The following GSG1L variants were observed in gnomAD, a reference collection of about 807,000 sequenced individuals.
The protein encoded by GSG1L is GSG1 like.
Under a neutral mutation model 42.1 loss-of-function variants are expected in GSG1L, and 24 were observed. The observed-to-expected ratio is 0.57, with a 90% CI of 0.41 to 0.80. GSG1L has a LOEUF of 0.80. Ranked by LOEUF, GSG1L falls within the 30% of genes least tolerant of loss-of-function variation. The pLI is 0.00. For missense variants in GSG1L, 445 were observed against 472.2 expected (o/e 0.94, Z 0.53); for synonymous variants, 215 against 203.5 (o/e 1.06, Z -0.48).
At chr16:27,841,626 C>T (rs919829470) in intron 4 of GSG1L, among the ~76,000 whole-genome samples, 3 of 152,140 alleles carry the variant, frequency 2.0e-5, no homozygotes, top group Non-Finnish European at 4.4e-5. Context: ...GCAGCCCTGG[C>T]GAGGCCCCAA....
chr16:28,054,307 C>T (rs776843910), intron 1 of GSG1L, among the ~76,000 whole-genome samples: 34 of 152,190 alleles, frequency 2.2e-4, no homozygotes, highest in Non-Finnish European at 4.4e-4. Flanking sequence ...AAGGACGGCC[C>T]CTGAGAAGGG....
chr16:27,956,061 T>A (rs2085001676), intron 2 of GSG1L, among the ~76,000 whole-genome samples: 2 of 152,166 alleles, frequency 1.3e-5, no homozygotes, highest in South Asian at 2.1e-4. Flanking sequence ...TTGCCAATAA[T>A]TTGCAAAAAG....
chr16:27,826,190 G>A (rs1802231646), intron 5 of GSG1L, among the ~76,000 whole-genome samples: 1 of 152,188 alleles, frequency 6.6e-6, no homozygotes, highest in African/African-American at 2.4e-5. Flanking sequence ...AGTGCCTGAG[G>A]GATGGAAAGG....
intron 1 of GSG1L, among the ~76,000 whole-genome samples, chr16:27,994,890 T>A (rs2085498054): frequency 6.6e-6 from 1 of 152,222 alleles, no homozygotes; most frequent in African/African-American, 2.4e-5. Context: ...ATTCCCTGAA[T>A]CGTGCAGTGC....
At chr16:27,855,052 A>T (rs1273155567) in intron 3 of GSG1L, among the ~76,000 whole-genome samples, 1 of 152,110 alleles carries the variant, frequency 6.6e-6, no homozygotes, top group Admixed American at 6.6e-5. Flanking sequence ...ACAGAGCAAG[A>T]CCTCGACTCT....
intron 1 of GSG1L, among the ~76,000 whole-genome samples, chr16:28,022,512 T>C (rs1316319999): frequency 1.3e-5 from 2 of 151,836 alleles, no homozygotes; most frequent in African/African-American, 4.8e-5. Flanking sequence ...TCTCACTCTG[T>C]TGCCCAGGCT....
At chr16:27,795,527 A>G (rs749755) in intron 6 of GSG1L, among the ~76,000 whole-genome samples, 94,587 of 152,128 alleles carry the variant, frequency 0.62, 29,677 homozygotes, top group Admixed American at 0.7. Context: ...CTGCAGAGAA[A>G]CCCTTCACTG....
At chr16:28,009,111 A>T (rs905925781) in intron 1 of GSG1L, among the ~76,000 whole-genome samples, 1 of 152,086 alleles carries the variant, frequency 6.6e-6, no homozygotes, top group African/African-American at 2.4e-5. Context: ...GCTTGGCCAC[A>T]TCAGTACTGT....
chr16:28,020,288 G>A (rs991791663), intron 1 of GSG1L, among the ~76,000 whole-genome samples: 8 of 152,184 alleles, frequency 5.3e-5, no homozygotes, highest in South Asian at 4.1e-4. Flanking sequence ...ACTCCAAAGC[G>A]CTGCTATTCA....
chr16:27,935,439 G>A (rs902552160), intron 2 of GSG1L, among the ~76,000 whole-genome samples: 5 of 152,116 alleles, frequency 3.3e-5, no homozygotes, highest in Non-Finnish European at 5.9e-5. Flanking sequence ...TGCATTTTGG[G>A]GATATTAAGT....
intron 3 of GSG1L, among the ~76,000 whole-genome samples, chr16:27,854,290 AGAAG>A (rs1447862801): frequency 8.2e-6 from 1 of 121,900 alleles, no homozygotes. Flanking sequence ...GAAGGGGGAG[AGAAG>A]GAGGAGGAGG....
At chr16:27,816,537 G>T (rs4787993) in intron 5 of GSG1L, among the ~76,000 whole-genome samples, 57,333 of 152,114 alleles carry the variant, frequency 0.38, 13,209 homozygotes, top group African/African-American at 0.64. Flanking sequence ...GATGGGAAAG[G>T]TGAAGCGAAG....
chr16:27,816,827 C>T lies in GSG1L; in HGVS notation c.831-9273G>A, dbSNP rs147606066. 9.7e-4 allele frequency among the ~76,000 whole-genome samples: 148 copies of T among 152,198 alleles called. 1 individual carries two copies. The highest frequency in any genetic ancestry group is 3.2e-3 in the African/African-American group (131 of 41,528). On this transcript the variant is annotated intron_variant, in intron 5 of 6. Coordinates refer to ENST00000447459, the MANE Select transcript of GSG1L (RefSeq NM_001109763.2). ...AGAGCGAGTTTCCACGGTACCCTGC[C>T]GACTCCCAGCAGGCAGGGGATTCCT... is the stretch of plus-strand genomic sequence containing the variant.
At chr16:28,019,874 C>T (rs528148105) in intron 1 of GSG1L, among the ~76,000 whole-genome samples, 2 of 152,326 alleles carry the variant, frequency 1.3e-5, no homozygotes, top group African/African-American at 4.8e-5. Context: ...CCTACCACTC[C>T]CTATTATTTC....
At position 28,040,225 on chromosome 16, in the gene GSG1L, C is replaced by A. The variant is rs1445450446; in HGVS notation, c.349+22851G>T. Among the ~76,000 whole-genome samples the A allele has an allele frequency of 6.6e-6, 1 of 152,202 alleles. No homozygotes were observed. Among genetic ancestry groups the A allele is most frequent in the Non-Finnish European group, 1.5e-5 (1 of 68,030 alleles). On this transcript the variant is annotated intron_variant, in intron 1 of 6. Transcript: ENST00000447459. This position sits in a 1 kb window ranked among gnomAD's most constrained non-coding sequence, Gnocchi z 4.1. ...CGCCTCCCTTCAGGTCCCTCTCCCA[C>A]CCGAGGGCCTTTTCACTTGCGATTG...
intron 3 of GSG1L, among the ~76,000 whole-genome samples, chr16:27,873,944 A>G (rs1474067705): frequency 6.6e-6 from 1 of 152,228 alleles, no homozygotes; most frequent in Admixed American, 6.5e-5. Context: ...TGCTTAAGGC[A>G]TTAGTCCCCA....
rs528358723 is a variant in GSG1L at position 28,000,942 on chromosome 16, C to A, written c.350-37739G>T. On this transcript the variant is annotated intron_variant, in intron 1 of 6. Transcript: ENST00000447459. ...ACCATTCTCCTTGCCTGTTCCTCAT[C>A]TTCTAGCGTCAGCATCTCCACACTG... Among the ~76,000 whole-genome samples the A allele has an allele frequency of 2.6e-5, 4 of 152,308 alleles. No individual in the cohort carries two copies. In the East Asian group the frequency reaches 7.7e-4, roughly 29 times the overall value.
chr16:27,888,248 C>T, intron 2 of GSG1L: 1 of 306,968 alleles, frequency 3.3e-6, no homozygotes, highest in Non-Finnish European at 4.8e-6. Flanking sequence ...CCTCTCCTCA[C>T]AGCAGGGCCC....
At chr16:27,797,821 CAAAAAAAAAA>C (rs59207468) in intron 6 of GSG1L, among the ~76,000 whole-genome samples, 1 of 77,218 alleles carries the variant, frequency 1.3e-5, no homozygotes, top group African/African-American at 5.2e-5. Context: ...GACTCCATCT[CAAAAAAAAAA>C]AAAAAAAAAA....
Sources: gnomAD v4.1 joint callset for allele counts (sites outside exome capture counted in the v4.1 genomes callset) on GRCh38, gnomAD v4.1.1 for gene constraint, Gnocchi (gnomAD v3.1) non-coding constraint, MANE v1.5 for transcripts, NCBI Gene and HGNC (gene_info 2026-07-23, HGNC 2026-07-21) for gene names.